Variants in DGKI observed in about 807,000 individuals in gnomAD.
The protein encoded by DGKI is DAG kinase iota.
Under a neutral mutation model 147.5 loss-of-function variants are expected in DGKI, and 55 were observed. That is an observed-to-expected ratio of 0.37 (90% CI 0.30 to 0.47). DGKI has a LOEUF of 0.47. DGKI is among the 20% of genes least tolerant of loss of function. The probability of loss-of-function intolerance (pLI) is 1.00; values close to 1 mark genes in which losing one functional copy is unlikely to be tolerated. For synonymous variants in DGKI, 469 were observed against 477.1 expected, an observed-to-expected ratio of 0.98 and a Z score of 0.22; for missense variants, 1,007 against 1,323.8, an observed-to-expected ratio of 0.76 and a Z score of 3.71.
intron 30 of DGKI, 122 bp downstream of exon 30, chr7:137,407,752 TA>T: frequency 7.6e-7 from 1 of 1,318,736 alleles, no homozygotes. Context: ...CAGAGTCTGC[TA>T]AAAGTTCGAG....
intron 20 of DGKI, among the ~76,000 whole-genome samples, chr7:137,538,868 G>T (rs984682039): frequency 2.0e-5 from 3 of 152,102 alleles, no homozygotes; most frequent in Non-Finnish European, 2.9e-5. Flanking sequence ...CTATCAAATT[G>T]GTAGTAAACT....
chr7:137,462,954 A>T (rs1026196356), intron 27 of DGKI, among the ~76,000 whole-genome samples: 1 of 151,828 alleles, frequency 6.6e-6, no homozygotes, highest in Non-Finnish European at 1.5e-5. Context: ...TCTGATCTAC[A>T]AACAAATGCT....
chr7:137,571,436 C>A (rs1292911743), intron 18 of DGKI, 150 bp from the exon 19 acceptor site: 2 of 614,040 alleles, frequency 3.3e-6, no homozygotes, highest in Non-Finnish European at 5.6e-6. Context: ...AAAGGAAATG[C>A]ACTTCTTATC....
chr7:137,485,438 A>C lies in DGKI; in HGVS notation c.2329-20T>G. 2 of 1,592,354 alleles carry C rather than the reference A, an allele frequency of 1.3e-6. No homozygotes were observed. The highest frequency in any genetic ancestry group is 1.7e-6 in the Non-Finnish European group (2 of 1,168,816). Reference sequence around the variant, plus strand: ...TAGGTCCTAATGAGAAAATGAAAAAAAAAATCCATACCTTAAAATTAGTTT... The same window carrying C: ...TAGGTCCTAATGAGAAAATGAAAAACAAAATCCATACCTTAAAATTAGTTT... On this transcript the variant is annotated intron_variant, in intron 22 of 32. Coordinates refer to ENST00000614521, the MANE Select transcript of DGKI (RefSeq NM_001321708.2).
chr7:137,459,553 C>A (rs1814343352), intron 27 of DGKI, among the ~76,000 whole-genome samples: 1 of 146,652 alleles, frequency 6.8e-6, no homozygotes, highest in East Asian at 2.0e-4. Context: ...TGGCTCACTG[C>A]AAGCTCCGCC....
chr7:137,550,860 G>A (rs1049846020), intron 20 of DGKI, among the ~76,000 whole-genome samples: 11 of 152,106 alleles, frequency 7.2e-5, no homozygotes, highest in Admixed American at 7.2e-4. Context: ...TTTCAGAGAT[G>A]GTTTTTCACT....
rs185905620 is a variant in DGKI, at chr7:137,799,967, T to A, written c.401+46495A>T. Among the ~76,000 whole-genome samples, 218 of 152,320 alleles carry A rather than the reference T, an allele frequency of 1.4e-3. 2 individuals carry two copies. Among genetic ancestry groups the A allele is most frequent in the African/African-American group, 5.0e-3 (209 of 41,576 alleles). Reference sequence around the variant, plus strand: ...ATTAGAAATCACCTGATTCAGTTTTTCAGTACGGTTCTCTCTAGACAACTG... The same window carrying A: ...ATTAGAAATCACCTGATTCAGTTTTACAGTACGGTTCTCTCTAGACAACTG... On this transcript the variant is annotated intron_variant, in intron 1 of 32. Coordinates refer to ENST00000614521, the MANE Select transcript of DGKI (RefSeq NM_001321708.2).
chr7:137,701,251 G>A (rs1262220607), intron 1 of DGKI, among the ~76,000 whole-genome samples: 2 of 152,126 alleles, frequency 1.3e-5, no homozygotes, highest in African/African-American at 4.8e-5. Context: ...TAATGGTACA[G>A]AACTGAGTAT....
At chr7:137,640,698 TC>T (rs768195787) in intron 6 of DGKI, among the ~76,000 whole-genome samples, 8 of 152,166 alleles carry the variant, frequency 5.3e-5, no homozygotes, top group East Asian at 3.9e-4. Context: ...GTAATCCCTT[TC>T]ACTACCCATG....
At chr7:137,418,546 A>T (rs1479026962) in intron 28 of DGKI, among the ~76,000 whole-genome samples, 2 of 152,242 alleles carry the variant, frequency 1.3e-5, no homozygotes, top group Non-Finnish European at 2.9e-5. Context: ...GTGATTCTCA[A>T]TAAAGCAACT....
At chr7:137,456,003 C>T (rs572557877) in intron 27 of DGKI, among the ~76,000 whole-genome samples, 4 of 152,110 alleles carry the variant, frequency 2.6e-5, no homozygotes, top group Non-Finnish European at 4.4e-5. Context: ...ACTGAGAAAA[C>T]AAGAGTGTTG....
At chr7:137,757,898 C>T (rs999870156) in intron 1 of DGKI, among the ~76,000 whole-genome samples, 8 of 152,084 alleles carry the variant, frequency 5.3e-5, no homozygotes, top group East Asian at 3.9e-4. Flanking sequence ...AGACATATAG[C>T]GAAATTGGAG....
chr7:137,632,567 T>C (rs1821158333), intron 6 of DGKI, among the ~76,000 whole-genome samples: 1 of 152,050 alleles, frequency 6.6e-6, no homozygotes, highest in African/African-American at 2.4e-5. Flanking sequence ...CCTATTAAAA[T>C]AAAGATACAG....
intron 1 of DGKI, among the ~76,000 whole-genome samples, chr7:137,821,010 C>T (rs906142681): frequency 2.0e-5 from 3 of 152,188 alleles, no homozygotes; most frequent in Non-Finnish European, 4.4e-5. Flanking sequence ...CCAATTTGCA[C>T]CTCATTAGCA....
intron 1 of DGKI, among the ~76,000 whole-genome samples, chr7:137,768,843 C>T (rs1796094915): frequency 6.6e-6 from 1 of 152,164 alleles, no homozygotes; most frequent in Non-Finnish European, 1.5e-5. Context: ...TCTGCAGTTC[C>T]TATTCAATGG....
At chr7:137,620,592 A>G (rs1820712747) in intron 7 of DGKI, among the ~76,000 whole-genome samples, 1 of 152,182 alleles carries the variant, frequency 6.6e-6, no homozygotes, top group Non-Finnish European at 1.5e-5. Flanking sequence ...GGACTGCTAA[A>G]AAAAAAATTC....
intron 27 of DGKI, among the ~76,000 whole-genome samples, chr7:137,448,425 A>G (rs1356729852): frequency 6.6e-6 from 1 of 151,626 alleles, no homozygotes; most frequent in Admixed American, 6.6e-5. Context: ...ACACACTAAA[A>G]AGATGATGGC....
At chr7:137,793,641 T>C (rs927076379) in intron 1 of DGKI, among the ~76,000 whole-genome samples, 1 of 152,284 alleles carries the variant, frequency 6.6e-6, no homozygotes, top group African/African-American at 2.4e-5. Flanking sequence ...CATTTTCACA[T>C]GTCATTCCCC....
chr7:137,794,714 T>C (rs1796970626), intron 1 of DGKI, among the ~76,000 whole-genome samples: 1 of 152,220 alleles, frequency 6.6e-6, no homozygotes, highest in Non-Finnish European at 1.5e-5. Context: ...ACTGCCTCAG[T>C]TGTGTTCTGC....
Sources: gnomAD v4.1 joint callset for allele counts (sites outside exome capture counted in the v4.1 genomes callset) on GRCh38, gnomAD v4.1.1 for gene constraint, MANE v1.5 for transcripts, NCBI Gene and HGNC (gene_info 2026-07-23, HGNC 2026-07-21) for gene names.